The following LRP1B variants were observed in gnomAD, a reference collection of about 807,000 sequenced individuals.
LRP1B encodes low-density lipoprotein receptor-related protein 1B.
In LRP1B, 217 loss-of-function variants were observed where a neutral mutation model predicts 556.6. The ratio of observed to expected loss-of-function variants is 0.39; its 90% confidence interval spans 0.35 to 0.44. The LOEUF (loss-of-function observed/expected upper bound fraction) is 0.44. Among genes scored for constraint, LRP1B ranks in the 20% least tolerant of loss-of-function variants. LRP1B has a pLI of 1.00. For missense variants in LRP1B, 5,053 were observed against 5,620.8 expected, an observed-to-expected ratio of 0.90 and a Z score of 3.23; for synonymous variants, 2,047 against 1,865.8, an observed-to-expected ratio of 1.10 and a Z score of -2.50.
intron 1 of LRP1B, among the ~76,000 whole-genome samples, chr2:141,936,255 A>G (rs745758632): frequency 1.3e-5 from 2 of 152,146 alleles, no homozygotes; most frequent in African/African-American, 2.4e-5. Flanking sequence ...AACAAAAAGA[A>G]CTATTTAAGA....
intron 1 of LRP1B, among the ~76,000 whole-genome samples, chr2:141,824,449 TC>T (rs1696857259): frequency 6.6e-6 from 1 of 152,140 alleles, no homozygotes; most frequent in South Asian, 2.1e-4. Context: ...AAGCTCCGCC[TC>T]CCAGGTTCAC....
intron 7 of LRP1B, among the ~76,000 whole-genome samples, chr2:141,156,378 C>T (rs927048987): frequency 7.9e-5 from 12 of 152,062 alleles, no homozygotes; most frequent in African/African-American, 2.9e-4. Context: ...CCTGTAATCT[C>T]AACACAGGGA....
intron 1 of LRP1B, among the ~76,000 whole-genome samples, chr2:142,100,102 C>T (rs1706517894): frequency 6.6e-6 from 1 of 151,808 alleles, no homozygotes; most frequent in Admixed American, 6.6e-5. Context: ...CATTCATTTT[C>T]CTTGATAAGA....
intron 31 of LRP1B, among the ~76,000 whole-genome samples, chr2:140,819,748 T>C (rs191562792): frequency 6.6e-6 from 1 of 152,304 alleles, no homozygotes; most frequent in African/African-American, 2.4e-5. Flanking sequence ...GGATACACTA[T>C]ATGTCTATTA....
intron 3 of LRP1B, among the ~76,000 whole-genome samples, chr2:141,459,242 C>T (rs181648497): frequency 2.0e-3 from 307 of 152,172 alleles, no homozygotes; most frequent in African/African-American, 6.5e-3. Context: ...AACACACACA[C>T]GTGTATGTAT....
intron 86 of LRP1B, among the ~76,000 whole-genome samples, chr2:140,251,737 A>G (rs1558926486): frequency 6.6e-6 from 1 of 151,934 alleles, no homozygotes; most frequent in Admixed American, 6.6e-5. Flanking sequence ...CCTTGGAAAA[A>G]TTGTGCATGG....
intron 77 of LRP1B, among the ~76,000 whole-genome samples, chr2:140,345,620 C>T (rs1681608636): frequency 1.4e-5 from 2 of 148,088 alleles, no homozygotes; most frequent in East Asian, 4.0e-4. Flanking sequence ...GTATCTCTAG[C>T]CCAGAATATG....
At chr2:141,918,536 G>C (rs1700098837) in intron 1 of LRP1B, among the ~76,000 whole-genome samples, 1 of 151,888 alleles carries the variant, frequency 6.6e-6, no homozygotes, top group Non-Finnish European at 1.5e-5. Context: ...GCTGCTATGA[G>C]GGCATACTCT....
chr2:140,803,290 T>TTTTTTTTTTTTTTTTTTTTTTTTC (rs869303438), intron 32 of LRP1B, among the ~76,000 whole-genome samples: 2 of 115,262 alleles, frequency 1.7e-5, no homozygotes, highest in African/African-American at 6.9e-5. Flanking sequence ...TTTTTTTTTT[T>TTTTTTTTTTTTTTTTTTTTTTTTC]CCGAGATGGA....
intron 35 of LRP1B, among the ~76,000 whole-genome samples, chr2:140,734,316 T>C (rs1212113345): frequency 6.6e-6 from 1 of 152,152 alleles, no homozygotes; most frequent in African/African-American, 2.4e-5. Context: ...CTACATCAAT[T>C]TGGGGACTAG....
chr2:141,741,915 C>T (rs921936445), intron 2 of LRP1B, among the ~76,000 whole-genome samples: 7 of 152,242 alleles, frequency 4.6e-5, no homozygotes, highest in African/African-American at 1.7e-4. Flanking sequence ...TCAGTAGTCT[C>T]ATGGTTTGAG....
chr2:141,015,597 G>T, intron 13 of LRP1B, 99 bp downstream of exon 13: 1 of 969,388 alleles, frequency 1.0e-6, no homozygotes, highest in Non-Finnish European at 1.5e-6. Context: ...CCACCTCAGA[G>T]GAGTAAAAAT....
chr2:141,802,254 G>C (rs1696031740), intron 2 of LRP1B, among the ~76,000 whole-genome samples: 1 of 151,958 alleles, frequency 6.6e-6, no homozygotes, highest in Non-Finnish European at 1.5e-5. Context: ...GATCTTTCAG[G>C]GTTGACCAGT....
intron 86 of LRP1B, among the ~76,000 whole-genome samples, chr2:140,252,102 A>AACCC (rs1681462473): frequency 6.8e-6 from 1 of 146,962 alleles, no homozygotes; most frequent in African/African-American, 2.5e-5. Context: ...CAAAAAACAA[A>AACCC]AAAAAACAGA....
At chr2:140,355,951 A>G (rs72894093) in intron 75 of LRP1B, among the ~76,000 whole-genome samples, 1,584 of 152,010 alleles carry the variant, frequency 0.01, 6 homozygotes, top group Non-Finnish European at 0.017. Flanking sequence ...TCTAAATGTG[A>G]TTTACCTATT....
Position 141,020,046 on chromosome 2 carries a change from T to C in LRP1B, c.1846A>G (p.Thr616Ala). ...ATGGTTTTCCTATGGCCATCATTGG[T>C]CCAGTAAAGATTATTTCCAATCCAG... ...VDWIGNNLYWTNDGHRKTINV... is the reference protein window; with the variant it reads ...VDWIGNNLYWANDGHRKTINV... The change falls in exon 12 of 91, where the codon ACC becomes GCC. Residue 616 changes from threonine to alanine, a missense_variant. Thr to Ala is a moderately conservative substitution (Grantham distance 58). This residue lies in a region of LRP1B where 3,619 missense variants were observed against 3,931.9 expected (regional missense o/e 0.92). Coordinates refer to ENST00000389484, the MANE Select transcript of LRP1B (RefSeq NM_018557.3). 1 of 1,611,732 alleles carries C rather than the reference T, an allele frequency of 6.2e-7. No homozygotes were observed. The highest frequency in any genetic ancestry group is 8.5e-7 in the Non-Finnish European group (1 of 1,178,494).
At chr2:141,555,388 C>G (rs1685924535) in intron 2 of LRP1B, among the ~76,000 whole-genome samples, 1 of 151,794 alleles carries the variant, frequency 6.6e-6, no homozygotes, top group Non-Finnish European at 1.5e-5. Context: ...AAAATCTAAC[C>G]AATATTTACT....
chr2:140,321,212 C>A (rs1256506111), intron 82 of LRP1B, among the ~76,000 whole-genome samples: 1 of 150,140 alleles, frequency 6.7e-6, no homozygotes, highest in Admixed American at 6.7e-5. Context: ...TATTTTCTTT[C>A]CTTGTGCTAC....
At chr2:141,412,289 C>A (rs1690880821) in intron 3 of LRP1B, among the ~76,000 whole-genome samples, 1 of 152,202 alleles carries the variant, frequency 6.6e-6, no homozygotes, top group South Asian at 2.1e-4. Flanking sequence ...TTAAGTTAAT[C>A]AGATTTCCAC....
Sources: gnomAD v4.1 joint callset for allele counts (sites outside exome capture counted in the v4.1 genomes callset) on GRCh38, gnomAD v4.1.1 for gene constraint, gnomAD v4.1.1 regional missense constraint, MANE v1.5 for transcripts, NCBI Gene and HGNC (gene_info 2026-07-23, HGNC 2026-07-21) for gene names.